The following RNF11 variants were observed in gnomAD, a reference collection of about 807,000 sequenced individuals.
RNF11 encodes the protein ring finger protein 11.
A neutral mutation model predicts 15.8 loss-of-function variants in RNF11; 4 were observed. The ratio of observed to expected loss-of-function variants is 0.25; its 90% confidence interval spans 0.12 to 0.58. The LOEUF (loss-of-function observed/expected upper bound fraction) is 0.58, where lower values mean the gene tolerates loss of function less well. Among genes scored for constraint, RNF11 ranks in the 20% least tolerant of loss-of-function variants. RNF11 has a pLI of 0.91. For missense variants in RNF11, 139 were observed against 194.4 expected (o/e 0.71, Z 1.70); for synonymous variants, 68 against 72.3 (o/e 0.94, Z 0.30).
At chr1:51,262,244 C>T (rs139587938) in intron 1 of RNF11, among the ~76,000 whole-genome samples, 1 of 152,272 alleles carries the variant, frequency 6.6e-6, no homozygotes, top group African/African-American at 2.4e-5. Context: ...CAATTTTTAA[C>T]GGATGATGCT....
chr1:51,262,072 C>A (rs1006184964), intron 1 of RNF11, among the ~76,000 whole-genome samples: 2 of 152,154 alleles, frequency 1.3e-5, no homozygotes, highest in African/African-American at 2.4e-5. Context: ...CCAGGCTGGT[C>A]TCGAACTCCT....
At chr1:51,265,890 G>T (rs774881783) in intron 1 of RNF11, 1 of 151,062 alleles carries the variant, frequency 6.6e-6, no homozygotes, top group East Asian at 1.9e-4. Context: ...CTAGCTCTGT[G>T]GGCCAGGCTG....
intron 1 of RNF11, among the ~76,000 whole-genome samples, chr1:51,256,299 A>G (rs1166704626): frequency 1.3e-5 from 2 of 152,184 alleles, no homozygotes; most frequent in Admixed American, 6.5e-5. Context: ...AGAATGTTGC[A>G]TATTTGGAAT....
intron 1 of RNF11, among the ~76,000 whole-genome samples, chr1:51,263,230 CTG>C (rs1254956581): frequency 1.3e-5 from 2 of 152,198 alleles, no homozygotes; most frequent in East Asian, 3.8e-4. Flanking sequence ...TTTCATAACA[CTG>C]TTATTCACAG....
intron 1 of RNF11, among the ~76,000 whole-genome samples, chr1:51,243,266 C>G (rs1393820937): frequency 6.6e-6 from 1 of 152,154 alleles, no homozygotes; most frequent in African/African-American, 2.4e-5. Context: ...TGATGATAGA[C>G]TAAATTAGAA....
intron 1 of RNF11, among the ~76,000 whole-genome samples, chr1:51,252,596 C>A (rs906444144): frequency 3.3e-5 from 5 of 152,014 alleles, no homozygotes; most frequent in Middle Eastern, 3.4e-3. Context: ...GCCTGGGTAA[C>A]GGGAGTGAAA....
At chr1:51,254,038 G>A (rs934532042) in intron 1 of RNF11, among the ~76,000 whole-genome samples, 3 of 151,786 alleles carry the variant, frequency 2.0e-5, no homozygotes, top group African/African-American at 4.8e-5. Flanking sequence ...ACGATCAATC[G>A]GATCATCCTA....
intron 1 of RNF11, among the ~76,000 whole-genome samples, chr1:51,237,124 C>G (rs1238571287): frequency 6.6e-6 from 1 of 152,096 alleles, no homozygotes; most frequent in Non-Finnish European, 1.5e-5. Context: ...AGTATGTGAT[C>G]ACATCCCCTT....
At chr1:51,246,156 T>G (rs1646850852) in intron 1 of RNF11, among the ~76,000 whole-genome samples, 2 of 150,742 alleles carry the variant, frequency 1.3e-5, no homozygotes, top group Non-Finnish European at 3.0e-5. Flanking sequence ...TCCCAGCTAC[T>G]TGGGAGGCTG....
At chr1:51,251,446 C>CA (rs1362823509) in intron 1 of RNF11, 3 of 758,370 alleles carry the variant, frequency 4.0e-6, no homozygotes, top group Admixed American at 5.2e-5. Flanking sequence ...CCGGGCCCCC[C>CA]CCCGCTGCAC....
intron 1 of RNF11, among the ~76,000 whole-genome samples, chr1:51,259,865 TAGAA>T (rs1377612905): frequency 3.9e-5 from 6 of 152,232 alleles, no homozygotes; most frequent in Admixed American, 3.3e-4. Context: ...GAGAAGACGT[TAGAA>T]AGATTTCAGA....
At chr1:51,239,714 A>T (rs1188495920) in intron 1 of RNF11, among the ~76,000 whole-genome samples, 1 of 152,168 alleles carries the variant, frequency 6.6e-6, no homozygotes, top group Non-Finnish European at 1.5e-5. Context: ...CTCACACAGC[A>T]GATTTATAGT....
chr1:51,264,315 TATACACAC>T (rs1243129180), intron 1 of RNF11, among the ~76,000 whole-genome samples: 142 of 96,610 alleles, frequency 1.5e-3, no homozygotes, highest in African/African-American at 6.1e-3. Context: ...TATATATATA[TATACACAC>T]ACACACACAC....
chr1:51,253,158 A>G (rs1331197360), intron 1 of RNF11, among the ~76,000 whole-genome samples: 3 of 152,134 alleles, frequency 2.0e-5, no homozygotes, highest in African/African-American at 7.2e-5. Flanking sequence ...TCTGTCTGTT[A>G]AAAACTTGAT....
At chr1:51,252,158 G>A in intron 1 of RNF11, among the ~76,000 whole-genome samples, 1 of 149,696 alleles carries the variant, frequency 6.7e-6, no homozygotes, top group East Asian at 2.0e-4. Flanking sequence ...TCTTCCTTAT[G>A]ATTTTCCTAA....
chr1:51,240,844 T>C (rs1034002298), intron 1 of RNF11, among the ~76,000 whole-genome samples: 3 of 152,170 alleles, frequency 2.0e-5, no homozygotes, highest in Non-Finnish European at 4.4e-5. Context: ...TTTTCTCTTT[T>C]TTGAGACCAA....
At chr1:51,251,191 A>G in intron 1 of RNF11, 2 of 1,466,830 alleles carry the variant, frequency 1.4e-6, no homozygotes, top group Non-Finnish European at 1.9e-6. Context: ...GCCCCCAGGA[A>G]AAAGTCAATG....
chr1:51,259,094 C>T (rs2148071589), intron 1 of RNF11, among the ~76,000 whole-genome samples: 1 of 152,322 alleles, frequency 6.6e-6, no homozygotes, highest in Admixed American at 6.5e-5. Flanking sequence ...CAGTGGTTCT[C>T]AACCAGGATG....
intron 1 of RNF11, among the ~76,000 whole-genome samples, chr1:51,237,804 C>G (rs1200800459): frequency 6.6e-6 from 1 of 152,124 alleles, no homozygotes; most frequent in Admixed American, 6.6e-5. Flanking sequence ...CACCCTTTTC[C>G]AGAGGGCTTC....
Sources: gnomAD v4.1 joint callset for allele counts (sites outside exome capture counted in the v4.1 genomes callset) on GRCh38, gnomAD v4.1.1 for gene constraint, MANE v1.5 for transcripts, NCBI Gene and HGNC (gene_info 2026-07-23, HGNC 2026-07-21) for gene names.